The following RBFOX1 variants were observed in gnomAD, a reference collection of about 807,000 sequenced individuals.
RBFOX1 encodes RNA binding fox-1 homolog 1.
A neutral mutation model predicts 57.7 loss-of-function variants in RBFOX1; 8 were observed. The observed-to-expected ratio is 0.14, with a 90% CI of 0.08 to 0.25. The LOEUF (loss-of-function observed/expected upper bound fraction) is 0.25. Ranked by LOEUF, RBFOX1 falls within the 10% of genes least tolerant of loss-of-function variation. RBFOX1 has a pLI of 1.00. For synonymous variants in RBFOX1, 326 were observed against 222.4 expected (o/e 1.47, Z -4.15); for missense variants, 611 against 548.5 (o/e 1.11, Z -1.14).
chr16:6,700,946 C>T (rs1373301008), intron 3 of RBFOX1, among the ~76,000 whole-genome samples: 1 of 152,026 alleles, frequency 6.6e-6, no homozygotes, highest in Admixed American at 6.6e-5. Flanking sequence ...AGGTTGGGTT[C>T]ACAGATAATC....
intron 3 of RBFOX1, among the ~76,000 whole-genome samples, chr16:5,648,953 A>G (rs2049140106): frequency 6.6e-6 from 1 of 152,024 alleles, no homozygotes; most frequent in South Asian, 2.1e-4. Flanking sequence ...AGTCCCAGCT[A>G]CTTGGGAGGC....
intron 2 of RBFOX1, among the ~76,000 whole-genome samples, chr16:6,554,314 C>A (rs774483972): frequency 6.6e-6 from 1 of 152,100 alleles, no homozygotes; most frequent in African/African-American, 2.4e-5. Flanking sequence ...GGTTCTGCTC[C>A]CATCCCCGTG....
chr16:7,441,483 G>T (rs9922939), intron 4 of RBFOX1, among the ~76,000 whole-genome samples: 5 of 152,068 alleles, frequency 3.3e-5, no homozygotes, highest in African/African-American at 1.2e-4. Context: ...AGCGTCACTG[G>T]GTAGTGGTAA....
chr16:6,279,322 T>C (rs190520729), intron 1 of RBFOX1, among the ~76,000 whole-genome samples: 158 of 152,318 alleles, frequency 1.0e-3, no homozygotes, highest in African/African-American at 3.2e-3. Context: ...TTTTATTAAC[T>C]AGCACGTACC....
intron 2 of RBFOX1, among the ~76,000 whole-genome samples, chr16:6,629,343 C>T (rs1417149028): frequency 6.6e-6 from 1 of 152,166 alleles, no homozygotes; most frequent in East Asian, 1.9e-4. Context: ...TGGAAAGAAA[C>T]ACAGTGTTGC....
intron 4 of RBFOX1, among the ~76,000 whole-genome samples, chr16:7,408,684 A>G (rs953212398): frequency 1.3e-5 from 2 of 152,208 alleles, no homozygotes; most frequent in Non-Finnish European, 2.9e-5. Flanking sequence ...TTTAGGCCGA[A>G]CATGTACTTT....
intron 2 of RBFOX1, among the ~76,000 whole-genome samples, chr16:5,570,223 T>G (rs915566031): frequency 2.0e-5 from 3 of 152,154 alleles, no homozygotes; most frequent in Non-Finnish European, 4.4e-5. Context: ...CAGCAGGGGT[T>G]TGCACATAGC....
At chr16:6,524,375 G>A (rs1386730296) in intron 2 of RBFOX1, among the ~76,000 whole-genome samples, 1 of 152,164 alleles carries the variant, frequency 6.6e-6, no homozygotes, top group African/African-American at 2.4e-5. Flanking sequence ...TACCACACTT[G>A]CTGTGTGCAT....
intron 4 of RBFOX1, among the ~76,000 whole-genome samples, chr16:7,408,129 G>C (rs2098378372): frequency 6.6e-6 from 1 of 152,132 alleles, no homozygotes; most frequent in Non-Finnish European, 1.5e-5. Flanking sequence ...CACAACATGG[G>C]GGTCAGAACA....
chr16:6,129,662 TC>T (rs2096615389), intron 1 of RBFOX1, among the ~76,000 whole-genome samples: 1 of 139,352 alleles, frequency 7.2e-6, no homozygotes. Flanking sequence ...CATTTACAGG[TC>T]CAAGAAGATT....
intron 3 of RBFOX1, among the ~76,000 whole-genome samples, chr16:6,701,607 G>A (rs995219142): frequency 6.6e-6 from 1 of 152,054 alleles, no homozygotes; most frequent in Non-Finnish European, 1.5e-5. Context: ...AGAGGAGGAG[G>A]TGCCAGGCTC....
chr16:7,031,884 A>G (rs995562657), intron 3 of RBFOX1, among the ~76,000 whole-genome samples: 13 of 152,128 alleles, frequency 8.5e-5, no homozygotes, highest in Non-Finnish European at 1.8e-4. Flanking sequence ...TTGCCTTCTA[A>G]CTGATCTCTC....
intron 4 of RBFOX1, among the ~76,000 whole-genome samples, chr16:7,281,466 T>C (rs898368816): frequency 2.0e-5 from 3 of 152,124 alleles, no homozygotes; most frequent in Non-Finnish European, 4.4e-5. Context: ...CAGATAGTTC[T>C]AACACTGTAT....
intron 4 of RBFOX1, among the ~76,000 whole-genome samples, chr16:7,149,285 G>C (rs956087516): frequency 1.3e-5 from 2 of 151,950 alleles, no homozygotes; most frequent in Admixed American, 6.6e-5. Context: ...TGCTTGTTAA[G>C]GAGTTGGCAG....
chr16:7,231,337 C>A (rs750379437), intron 4 of RBFOX1, among the ~76,000 whole-genome samples: 2 of 152,212 alleles, frequency 1.3e-5, no homozygotes, highest in Non-Finnish European at 2.9e-5. Flanking sequence ...CGACTACTAT[C>A]GTTCACGTGA....
chr16:5,371,913 A>T (rs538337990), intron 1 of RBFOX1, among the ~76,000 whole-genome samples: 1 of 152,234 alleles, frequency 6.6e-6, no homozygotes, highest in East Asian at 1.9e-4. Context: ...CCGACCAGTA[A>T]TCTTTCCTTC....
intron 5 of RBFOX1, among the ~76,000 whole-genome samples, chr16:7,554,641 G>A (rs1047642874): frequency 6.6e-5 from 10 of 152,024 alleles, no homozygotes; most frequent in African/African-American, 2.2e-4. Context: ...AGCACTTTGA[G>A]CCTCTAACCT....
intron 3 of RBFOX1, among the ~76,000 whole-genome samples, chr16:6,739,065 C>T (rs190987149): frequency 1.1e-4 from 16 of 152,060 alleles, no homozygotes; most frequent in African/African-American, 1.9e-4. Flanking sequence ...ATGTAAGCTC[C>T]TACTTCAGAC....
intron 3 of RBFOX1, among the ~76,000 whole-genome samples, chr16:6,823,592 T>A (rs2091683324): frequency 6.6e-6 from 1 of 152,168 alleles, no homozygotes. Flanking sequence ...TATATTATCT[T>A]CTTCCTTCCT....
Sources: allele counts gnomAD v4.1 joint callset (sites outside exome capture counted in the v4.1 genomes callset), GRCh38; gene constraint gnomAD v4.1.1; transcripts MANE v1.5; gene names NCBI Gene and HGNC (gene_info 2026-07-23, HGNC 2026-07-21).